Variants in SBNO2 observed in about 807,000 individuals in gnomAD.
SBNO2 encodes protein strawberry notch homolog 2.
Under a neutral mutation model 146.3 loss-of-function variants are expected in SBNO2, and 89 were observed. The observed-to-expected ratio is 0.61, with a 90% CI of 0.51 to 0.73. SBNO2 has a LOEUF of 0.73. Ranked by LOEUF, SBNO2 falls within the 30% of genes least tolerant of loss-of-function variation. SBNO2 has a pLI of 0.00. For missense variants in SBNO2, 2,092 were observed against 2,003.7 expected (o/e 1.04, Z -0.84); for synonymous variants, 1,147 against 892.6 (o/e 1.29, Z -5.08).
At chr19:1,120,849 A>G (rs1260678045) in intron 11 of SBNO2, among the ~76,000 whole-genome samples, 3 of 151,072 alleles carry the variant, frequency 2.0e-5, no homozygotes, top group Non-Finnish European at 4.4e-5. Context: ...TTGTATTTTC[A>G]GTAGAGACGG....
chr19:1,165,392 G>A (rs1406903003), intron 1 of SBNO2, among the ~76,000 whole-genome samples: 1 of 152,190 alleles, frequency 6.6e-6, no homozygotes, highest in Admixed American at 6.5e-5. Context: ...CGAGCAGGGT[G>A]CCGGGCACCC....
intron 18 of SBNO2, 70 bp from the exon 19 acceptor site, chr19:1,113,774 G>A: frequency 1.4e-6 from 2 of 1,394,108 alleles, no homozygotes; most frequent in East Asian, 3.0e-5. Flanking sequence ...ACTCAAGGCT[G>A]GCCCCTGGAG....
At position 1,169,440 on chromosome 19, in the gene SBNO2, G is replaced by A. The variant is rs751471257; in HGVS notation, c.-127+4732C>T. Among the ~76,000 whole-genome samples, 69 of 152,326 alleles carry A rather than the reference G, an allele frequency of 4.5e-4. 1 individual carries two copies. The highest frequency in any genetic ancestry group is 5.2e-4 in the Admixed American group (8 of 15,306). ...CCACCAGGCACCCTCAGGCTGACTG[G>A]CCCCTGTGTGCCACCCATGTGGCCC... On this transcript the variant is annotated intron_variant, in intron 1 of 31. Coordinates refer to ENST00000361757, the MANE Select transcript of SBNO2 (RefSeq NM_014963.3).
intron 1 of SBNO2, among the ~76,000 whole-genome samples, chr19:1,166,226 T>C (rs1264671609): frequency 5.6e-4 from 28 of 50,126 alleles, no homozygotes; most frequent in African/African-American, 1.8e-3. Context: ...GACCCGAGAT[T>C]CCAGACCCCA....
At position 1,109,483 on chromosome 19, in the gene SBNO2, G is replaced by C; in HGVS notation, c.3216+23C>G. On this transcript the variant is annotated intron_variant, in intron 28 of 31. Transcript: ENST00000361757. The surrounding 1 kb of genome is among the most constrained non-coding windows in gnomAD (Gnocchi z 4.2). ...CGCCCCCCGCGGGCCCTCCTCTGGG[G>C]GGGTAACCCCGCCCGACCCCACCTT... The C allele has an allele frequency of 6.3e-7, 1 of 1,580,726 alleles. No homozygotes were observed. Among genetic ancestry groups the C allele is most frequent in the East Asian group, 2.3e-5 (1 of 43,044 alleles).
At chr19:1,143,128 G>C (rs1387607248) in intron 4 of SBNO2, among the ~76,000 whole-genome samples, 2 of 152,148 alleles carry the variant, frequency 1.3e-5, no homozygotes, top group Non-Finnish European at 2.9e-5. Flanking sequence ...TCACACGATG[G>C]CTTTGAACGG....
chr19:1,108,443 G>T lies in SBNO2; in HGVS notation c.3878C>A (p.Thr1293Asn), dbSNP rs1379906639. Residue 1293 changes from threonine to asparagine, a missense_variant, in exon 32 of 32, where the codon ACC becomes AAC. Thr to Asn is a moderately conservative substitution (Grantham distance 65). Transcript: ENST00000361757. ...DAGPGVVPLG[T>N]PDAQADPAAL... Reference sequence around the variant, plus strand: ...CGCAGGGTCGGCCTGGGCGTCGGGGGTGCCCAGCGGCACGACGCCGGGGCC... The same window carrying T: ...CGCAGGGTCGGCCTGGGCGTCGGGGTTGCCCAGCGGCACGACGCCGGGGCC... The T allele has an allele frequency of 2.0e-5, 25 of 1,244,366 alleles. No homozygotes were observed. Among genetic ancestry groups the T allele is most frequent in the Middle Eastern group, 6.5e-4 (2 of 3,082 alleles). The allele number at this position is 1,244,366 out of a possible 1,614,324, so 77.1% of individuals were successfully genotyped here. A position where few individuals can be genotyped will look rare whatever the true frequency, so the allele number is the denominator to read the frequency against.
chr19:1,132,129 G>A (rs1393779149), intron 4 of SBNO2: 1 of 1,521,226 alleles, frequency 6.6e-7, no homozygotes, highest in South Asian at 1.2e-5. Context: ...GCTGCAGCTG[G>A]GACATGGTCC....
At chr19:1,155,140 C>A (rs1045254149) in intron 1 of SBNO2, 1 of 152,230 alleles carries the variant, frequency 6.6e-6, no homozygotes. Context: ...GCTTTCCAGG[C>A]GTCCGCCCAG....
chr19:1,139,102 GT>G (rs1156477382), intron 4 of SBNO2, among the ~76,000 whole-genome samples: 2 of 152,198 alleles, frequency 1.3e-5, no homozygotes, highest in African/African-American at 4.8e-5. Flanking sequence ...TCCTGCATGC[GT>G]CCATCATGGA....
At chr19:1,148,028 C>T (rs921341891) in intron 3 of SBNO2, among the ~76,000 whole-genome samples, 5 of 152,086 alleles carry the variant, frequency 3.3e-5, no homozygotes, top group African/African-American at 9.7e-5. Context: ...TTCCCCACTC[C>T]GGCCCCCTTG....
At chr19:1,159,861 C>G (rs2080327973) in intron 1 of SBNO2, among the ~76,000 whole-genome samples, 2 of 151,760 alleles carry the variant, frequency 1.3e-5, no homozygotes, top group Non-Finnish European at 2.9e-5. Context: ...TTCCCCTACT[C>G]CTGGGCCAAG....
chr19:1,164,072 G>A (rs542970109), intron 1 of SBNO2, among the ~76,000 whole-genome samples: 118 of 152,330 alleles, frequency 7.7e-4, no homozygotes, highest in African/African-American at 2.7e-3. Flanking sequence ...ACTCAGGCCC[G>A]CGGCCATCAC....
intron 16 of SBNO2, among the ~76,000 whole-genome samples, chr19:1,116,514 T>A (rs1351760351): frequency 2.0e-5 from 3 of 152,028 alleles, no homozygotes; most frequent in Non-Finnish European, 4.4e-5. Flanking sequence ...TTCAGACAGC[T>A]GGGAGGGCCA....
At position 1,109,668 on chromosome 19, in the gene SBNO2, G is replaced by A; in HGVS notation, c.3123+15C>T. 2 of 1,607,476 alleles carry A rather than the reference G, an allele frequency of 1.2e-6. No homozygotes were observed. Among genetic ancestry groups the A allele is most frequent in the Non-Finnish European group, 8.5e-7 (1 of 1,177,088 alleles). On this transcript the variant is annotated intron_variant, in intron 27 of 31. Transcript: ENST00000361757. The surrounding 1 kb of genome is among the most constrained non-coding windows in gnomAD (Gnocchi z 4.2). The stretch of plus-strand genomic sequence containing the variant: ...GGTGGGCAGAGTGTGAGGGGCTGTG[G>A]GGCTTCCTGCTGACCTTGTAGAAGA...
rs373081871 is a variant in SBNO2 at position 1,165,383 on chromosome 19, G to A, written c.-127+8789C>T. 2.2e-4 allele frequency among the ~76,000 whole-genome samples: 34 copies of A among 152,300 alleles called. No homozygotes were observed. In the East Asian group the frequency reaches 4.4e-3, roughly 20 times the overall value. On this transcript the variant is annotated intron_variant, in intron 1 of 31. Transcript: ENST00000361757. ...CAGGGGGACGTCGTGGCTGAGATGC[G>A]AGCAGGGTGCCGGGCACCCCCAAGG... is the stretch of plus-strand genomic sequence containing the variant.
intron 3 of SBNO2, 111 bp downstream of exon 3, chr19:1,149,258 C>A (rs2080220614): frequency 1.0e-6 from 1 of 993,168 alleles, no homozygotes; most frequent in East Asian, 2.6e-5. Flanking sequence ...ACCCTCCAAA[C>A]CCCTCAACAA....
chr19:1,160,878 A>C (rs2080336963), intron 1 of SBNO2, among the ~76,000 whole-genome samples: 1 of 151,526 alleles, frequency 6.6e-6, no homozygotes, highest in Admixed American at 6.6e-5. Context: ...AACTCACTAG[A>C]CTGTGGCCAG....
At chr19:1,167,786 G>T (rs1036674731) in intron 1 of SBNO2, among the ~76,000 whole-genome samples, 4 of 152,202 alleles carry the variant, frequency 2.6e-5, no homozygotes, top group Admixed American at 2.6e-4. Flanking sequence ...CAGGCCATGA[G>T]GTCTCAGCCT....
Sources: allele counts gnomAD v4.1 joint callset (sites outside exome capture counted in the v4.1 genomes callset), GRCh38; gene constraint gnomAD v4.1.1; non-coding constraint Gnocchi (gnomAD v3.1); transcripts MANE v1.5; gene names NCBI Gene and HGNC (gene_info 2026-07-23, HGNC 2026-07-21).